PUM1: variants seen among roughly 807,000 people sequenced by gnomAD.
PUM1 encodes the protein pumilio homolog 1.
In PUM1, 13 loss-of-function variants were observed where a neutral mutation model predicts 131.8. That is an observed-to-expected ratio of 0.10 (90% CI 0.06 to 0.16). PUM1 has a LOEUF of 0.16. Among genes scored for constraint, PUM1 ranks in the 10% least tolerant of loss-of-function variants. PUM1 has a pLI of 1.00. For synonymous variants in PUM1, 509 were observed against 556.5 expected (o/e 0.91, Z 1.20); for missense variants, 961 against 1,512.4 (o/e 0.64, Z 6.05).
At chr1:30,938,852 G>T (rs1338880022) in intron 20 of PUM1, among the ~76,000 whole-genome samples, 1 of 152,092 alleles carries the variant, frequency 6.6e-6, no homozygotes, top group East Asian at 1.9e-4. Context: ...GCGACAGAGC[G>T]AGACTCCATC....
At chr1:31,049,784 T>G (rs1644062346) in intron 2 of PUM1, among the ~76,000 whole-genome samples, 1 of 149,866 alleles carries the variant, frequency 6.7e-6, no homozygotes, top group Admixed American at 6.7e-5. Context: ...TATAATCAAG[T>G]ACCATTCAGC....
chr1:30,952,463 T>C lies in PUM1; in HGVS notation c.2592-100A>G. 3.8e-6 allele frequency: 6 copies of C among 1,559,786 alleles called. No homozygotes were observed. The South Asian group carries it at 7.0e-5, about 18-fold the overall frequency. ...TAGACTGCATCCGTTCTGAAACATG[T>C]GAGTGAGCATGTGTGCACACACATG... On this transcript the variant is annotated intron_variant, in intron 15 of 21. Coordinates refer to ENST00000426105, the MANE Select transcript of PUM1 (RefSeq NM_001020658.2).
At chr1:30,983,551 C>T (rs932784197) in intron 7 of PUM1, among the ~76,000 whole-genome samples, 4 of 152,094 alleles carry the variant, frequency 2.6e-5, no homozygotes, top group Non-Finnish European at 4.4e-5. Context: ...GATTTATTAA[C>T]CAAAAACAGT....
intron 2 of PUM1, among the ~76,000 whole-genome samples, chr1:31,042,056 G>T (rs1048662610): frequency 2.0e-5 from 3 of 152,070 alleles, no homozygotes; most frequent in Non-Finnish European, 2.9e-5. Context: ...TGTAATCCCA[G>T]GACTTTGGGA....
At chr1:31,017,894 G>C (rs1466566927) in intron 3 of PUM1, among the ~76,000 whole-genome samples, 1 of 152,100 alleles carries the variant, frequency 6.6e-6, no homozygotes, top group African/African-American at 2.4e-5. Context: ...CCATAAAATG[G>C]GGTGAAGGAA....
At chr1:30,942,191 T>TTATAGATATATA (rs1639466581) in intron 18 of PUM1, 68 bp from the exon 19 acceptor site, 1 of 143,388 alleles carries the variant, frequency 7.0e-6, no homozygotes, top group Non-Finnish European at 1.3e-5. Context: ...TCAGTATTGT[T>TTATAGATATATA]TATATATATA....
chr1:31,064,509 T>C (rs1429958640), intron 1 of PUM1, among the ~76,000 whole-genome samples: 1 of 152,124 alleles, frequency 6.6e-6, no homozygotes, highest in Non-Finnish European at 1.5e-5. Context: ...AGTAAGTTTT[T>C]AGGTGCTTTC....
intron 2 of PUM1, among the ~76,000 whole-genome samples, chr1:31,032,138 G>A (rs1350849991): frequency 6.6e-6 from 1 of 152,202 alleles, no homozygotes; most frequent in Non-Finnish European, 1.5e-5. Context: ...GACTACATGA[G>A]ATAAACCAAG....
At chr1:31,046,627 C>T (rs925486849) in intron 2 of PUM1, among the ~76,000 whole-genome samples, 3 of 151,358 alleles carry the variant, frequency 2.0e-5, no homozygotes, top group Non-Finnish European at 2.9e-5. Context: ...CCTGCCTCAG[C>T]CTCCTAAGTA....
At chr1:30,984,711 C>T (rs1256511584) in intron 7 of PUM1, among the ~76,000 whole-genome samples, 2 of 152,174 alleles carry the variant, frequency 1.3e-5, no homozygotes, top group Admixed American at 6.5e-5. Flanking sequence ...CTACAGAGCT[C>T]TTATTCCAGA....
chr1:30,977,148 G>A (rs1445335490), intron 9 of PUM1, among the ~76,000 whole-genome samples: 1 of 152,168 alleles, frequency 6.6e-6, no homozygotes, highest in Non-Finnish European at 1.5e-5. Context: ...ATAGCCTGGG[G>A]GTAATTTTAC....
At chr1:31,061,648 A>C (rs767059211) in intron 1 of PUM1, 1 of 151,980 alleles carries the variant, frequency 6.6e-6, no homozygotes, top group Non-Finnish European at 1.5e-5. Flanking sequence ...AAAAAAAAAG[A>C]AAGCCTCACT....
At chr1:30,957,123 C>CAG (rs1640202434) in intron 14 of PUM1, among the ~76,000 whole-genome samples, 1 of 150,408 alleles carries the variant, frequency 6.6e-6, no homozygotes. Context: ...CACACACACA[C>CAG]AGCTTTTATT....
At chr1:30,996,891 G>T (rs748526573) in intron 5 of PUM1, among the ~76,000 whole-genome samples, 5 of 152,206 alleles carry the variant, frequency 3.3e-5, no homozygotes, top group African/African-American at 4.8e-5. Context: ...AGCACTGACT[G>T]CAGTGCCTGA....
chr1:31,029,020 A>C (rs1643320194), intron 2 of PUM1, among the ~76,000 whole-genome samples, 156 bp from the exon 3 acceptor site: 1 of 152,214 alleles, frequency 6.6e-6, no homozygotes, highest in South Asian at 2.1e-4. Flanking sequence ...ACATTCACTT[A>C]CCTTTAACCA....
At chr1:31,053,967 A>G (rs1263641720) in intron 2 of PUM1, among the ~76,000 whole-genome samples, 2 of 151,808 alleles carry the variant, frequency 1.3e-5, no homozygotes, top group Non-Finnish European at 2.9e-5. Context: ...GGTGGTGCAC[A>G]CTTGTAGTCC....
At chr1:31,057,405 C>CAA (rs1223950994) in intron 2 of PUM1, among the ~76,000 whole-genome samples, 2,632 of 68,592 alleles carry the variant, frequency 0.038, 50 homozygotes, top group Non-Finnish European at 0.045. Flanking sequence ...GACCTTGTCT[C>CAA]AAAAAAAAAA....
rs1444058067 is a variant in PUM1, at chr1:30,985,201, A to G, written c.1159-3796T>C. 3.9e-5 allele frequency among the ~76,000 whole-genome samples: 6 copies of G among 152,222 alleles called. No individual in the cohort carries two copies. In the East Asian group the frequency reaches 7.7e-4, roughly 20 times the overall value. ...TTAAAATTAACACATGTAAAGATTT[A>G]TAAGAGTCCTTTATGTGTGATGTTC... is the stretch of plus-strand genomic sequence containing the variant. On this transcript the variant is annotated intron_variant, in intron 7 of 21. Transcript: ENST00000426105.
At chr1:31,036,025 C>T (rs2124559947) in intron 2 of PUM1, among the ~76,000 whole-genome samples, 1 of 152,074 alleles carries the variant, frequency 6.6e-6, no homozygotes, top group Admixed American at 6.5e-5. Flanking sequence ...ACAGAAATTA[C>T]TTGTCCAAAA....
Sources: allele counts gnomAD v4.1 joint callset (sites outside exome capture counted in the v4.1 genomes callset), GRCh38; gene constraint gnomAD v4.1.1; transcripts MANE v1.5; gene names NCBI Gene and HGNC (gene_info 2026-07-23, HGNC 2026-07-21).